Variants in ZNF652 observed in about 807,000 individuals in gnomAD.
The protein encoded by ZNF652 is zinc finger protein 652.
ZNF652 carries 16 observed loss-of-function variants against 45.2 expected under a neutral mutation model. The ratio of observed to expected loss-of-function variants is 0.35; its 90% CI spans 0.24 to 0.54. ZNF652 has a LOEUF of 0.54. Ranked by LOEUF, ZNF652 falls within the 20% of genes least tolerant of loss-of-function variation. The pLI is 0.91. For missense variants in ZNF652, 614 were observed against 765.6 expected (o/e 0.80, Z 2.34); for synonymous variants, 250 against 260.6 (o/e 0.96, Z 0.39).
chr17:49,334,611 T>C (rs537145683), intron 1 of ZNF652, among the ~76,000 whole-genome samples: 8 of 152,224 alleles, frequency 5.3e-5, no homozygotes, highest in Non-Finnish European at 8.8e-5. Flanking sequence ...AAACCCCATC[T>C]CTACCAAAAA....
At chr17:49,323,814 T>C (rs1042638963) in intron 1 of ZNF652, among the ~76,000 whole-genome samples, 6 of 152,212 alleles carry the variant, frequency 3.9e-5, no homozygotes, top group Admixed American at 6.5e-5. Flanking sequence ...GTTATAACAG[T>C]GGGCTTAAAA....
chr17:49,330,454 GTTTAAT>G (rs58013973), intron 1 of ZNF652, among the ~76,000 whole-genome samples: 99,639 of 150,502 alleles, frequency 0.66, 33,249 homozygotes, highest in Non-Finnish European at 0.7. Context: ...CACAGCTAAT[GTTTAAT>G]TTTAATTTTA....
At position 49,311,271 on chromosome 17, in the gene ZNF652, T is replaced by C. The variant is rs375255477; in HGVS notation, c.1309+41A>G. On this transcript the variant is annotated intron_variant, in intron 5 of 5. Transcript: ENST00000430262. ...AGACCCACAGATGATCATCAACAAG[T>C]GCTTGAGACATTATCTGTACCTTTC... The C allele has an allele frequency of 4.4e-6, 7 of 1,594,836 alleles. No individual in the cohort carries two copies. In the Admixed American group the frequency reaches 1.0e-4, roughly 23 times the overall value.
intron 1 of ZNF652, among the ~76,000 whole-genome samples, chr17:49,345,339 A>G (rs1465193309): frequency 6.6e-6 from 1 of 150,516 alleles, no homozygotes; most frequent in Non-Finnish European, 1.5e-5. Flanking sequence ...AGTAGCTGGG[A>G]TTATAGGTAT....
rs1161949813 is a variant in ZNF652 at position 49,296,129 on chromosome 17, A to T, written c.*2284T>A. The T allele has an allele frequency of 6.6e-6, 1 of 152,274 alleles. No individual in the cohort carries two copies. The highest frequency in any genetic ancestry group is 6.6e-5 in the Admixed American group (1 of 15,264). The allele number at this position is 152,274 out of a possible 1,614,324, so 9.4% of individuals were successfully genotyped here. ...GAGACTGTGGAGGGAGAGGGAGACAACCACTAAAGATATAACAGTCATATG... is the reference window on the plus strand; with the variant it reads ...GAGACTGTGGAGGGAGAGGGAGACATCCACTAAAGATATAACAGTCATATG... On this transcript the variant is annotated 3_prime_UTR_variant, in exon 6 of 6. Coordinates refer to ENST00000430262, the MANE Select transcript of ZNF652 (RefSeq NM_001145365.3).
rs914882765 is a variant in ZNF652 at position 49,349,321 on chromosome 17, T to C, written c.-259+12588A>G. Among the ~76,000 whole-genome samples, 31 of 151,942 alleles carry C rather than the reference T, an allele frequency of 2.0e-4. 1 individual carries two copies. Among genetic ancestry groups the C allele is most frequent in the Admixed American group, 1.5e-3 (23 of 15,238 alleles). On this transcript the variant is annotated intron_variant, in intron 1 of 5. Coordinates refer to ENST00000430262, the MANE Select transcript of ZNF652 (RefSeq NM_001145365.3). ...GGCTGAGACAGCAGAATTGCTTGAA[T>C]CCAGGAGGCAGAGGTTGCAGTGAGT... is the stretch of plus-strand genomic sequence containing the variant.
rs1047501368 is a variant in ZNF652 at position 49,322,909 on chromosome 17, A to G, written c.-258-4926T>C. ...CAATAAATAAATAAATAAATGTTAA[A>G]AATGTTAGCGATTATCTGATCCTTC... On this transcript the variant is annotated intron_variant, in intron 1 of 5. Transcript: ENST00000430262. Among the ~76,000 whole-genome samples, 9 of 152,262 alleles carry G rather than the reference A, an allele frequency of 5.9e-5. No homozygotes were observed. The East Asian group carries it at 1.7e-3, about 29-fold the overall frequency.
At chr17:49,316,051 T>TA in intron 2 of ZNF652, among the ~76,000 whole-genome samples, 1 of 152,340 alleles carries the variant, frequency 6.6e-6, no homozygotes, top group Admixed American at 6.5e-5. Flanking sequence ...ACTTACCTCT[T>TA]ACGAATATTC....
intron 1 of ZNF652, among the ~76,000 whole-genome samples, chr17:49,341,925 C>G (rs566219908): frequency 1.3e-5 from 2 of 151,978 alleles, no homozygotes; most frequent in African/African-American, 4.8e-5. Context: ...GTAGCTCACG[C>G]CTGTAATCCC....
At position 49,311,305 on chromosome 17, in the gene ZNF652, T is replaced by G. The variant is rs1361205614; in HGVS notation, c.1309+7A>C. ...CATTATCTGTACCTTTCCCAAGAAA[T>G]TCTTACCAGTGTGTGTTTTCATGTG... On this transcript the variant is annotated splice_region_variant and intron_variant, in intron 5 of 5. Coordinates refer to ENST00000430262, the MANE Select transcript of ZNF652 (RefSeq NM_001145365.3). 6.2e-7 allele frequency: 1 copy of G among 1,613,822 alleles called. No individual in the cohort carries two copies.
intron 1 of ZNF652, among the ~76,000 whole-genome samples, chr17:49,357,710 A>G (rs1484128469): frequency 6.6e-6 from 1 of 152,228 alleles, no homozygotes; most frequent in Non-Finnish European, 1.5e-5. Context: ...TGGACACAGA[A>G]CCCATTGAGA....
intron 1 of ZNF652, among the ~76,000 whole-genome samples, chr17:49,338,792 C>A (rs912170314): frequency 2.6e-5 from 4 of 152,148 alleles, no homozygotes; most frequent in Non-Finnish European, 5.9e-5. Context: ...AGGGGCTGAG[C>A]ACCAAGCCTT....
At chr17:49,303,887 C>CT (rs891788616) in intron 5 of ZNF652, among the ~76,000 whole-genome samples, 16 of 149,902 alleles carry the variant, frequency 1.1e-4, no homozygotes, top group Non-Finnish European at 1.6e-4. Flanking sequence ...TTGCAGTCTT[C>CT]TTTTTTTTTG....
At chr17:49,315,946 AAAAC>A (rs2069797931) in intron 2 of ZNF652, among the ~76,000 whole-genome samples, 1 of 152,266 alleles carries the variant, frequency 6.6e-6, no homozygotes, top group South Asian at 2.1e-4. Context: ...AGCACACCAA[AAAAC>A]AAACCAAACC....
intron 5 of ZNF652, among the ~76,000 whole-genome samples, chr17:49,304,866 G>GTA (rs1263322761): frequency 8.1e-6 from 1 of 123,638 alleles, no homozygotes; most frequent in Non-Finnish European, 1.7e-5. Context: ...ATACATATAT[G>GTA]TATATATATG....
rs978136923 is a variant in ZNF652, at chr17:49,292,591, C to G, written c.*5822G>C. On this transcript the variant is annotated 3_prime_UTR_variant, in exon 6 of 6. Coordinates refer to ENST00000430262, the MANE Select transcript of ZNF652 (RefSeq NM_001145365.3). The stretch of plus-strand genomic sequence containing the variant: ...GTGGGCACATGGGAACAGGGCAGAG[C>G]AACAGCAGCACTCAGGATCCTTTCA... Among the ~76,000 whole-genome samples the G allele has an allele frequency of 6.6e-6, 1 of 152,024 alleles. No individual in the cohort carries two copies. Among genetic ancestry groups the G allele is most frequent in the Non-Finnish European group, 1.5e-5 (1 of 67,998 alleles).
intron 5 of ZNF652, among the ~76,000 whole-genome samples, chr17:49,309,605 C>A (rs1336932713): frequency 6.6e-6 from 1 of 151,878 alleles, no homozygotes; most frequent in Non-Finnish European, 1.5e-5. Context: ...AAAACCTGAA[C>A]CCTAAAAATG....
At chr17:49,351,362 A>C (rs1356165805) in intron 1 of ZNF652, among the ~76,000 whole-genome samples, 1 of 152,118 alleles carries the variant, frequency 6.6e-6, no homozygotes, top group East Asian at 1.9e-4. Flanking sequence ...TCACCACCAG[A>C]AGATGGTAAG....
intron 5 of ZNF652, among the ~76,000 whole-genome samples, chr17:49,307,158 A>G (rs1213497537): frequency 1.3e-5 from 2 of 151,468 alleles, no homozygotes; most frequent in Non-Finnish European, 2.9e-5. Flanking sequence ...GGCCGGGCTC[A>G]GGGGTGGGGC....
Sources: gnomAD v4.1 joint callset for allele counts (sites outside exome capture counted in the v4.1 genomes callset) on GRCh38, gnomAD v4.1.1 for gene constraint, MANE v1.5 for transcripts, NCBI Gene and HGNC (gene_info 2026-07-23, HGNC 2026-07-21) for gene names.